TMEM74: variants seen among roughly 807,000 people sequenced by gnomAD.
The protein encoded by TMEM74 is transmembrane protein 74.
A neutral mutation model predicts 18.1 loss-of-function variants in TMEM74; 13 were observed. The ratio of observed to expected loss-of-function variants is 0.72; its 90% CI spans 0.47 to 1.14. The LOEUF (loss-of-function observed/expected upper bound fraction) is 1.14. Ranked by LOEUF, TMEM74 falls within the 50% of genes most tolerant of loss-of-function variation. The pLI is 0.00. For synonymous variants in TMEM74, 159 were observed against 146.6 expected, an observed-to-expected ratio of 1.08 and a Z score of -0.61; for missense variants, 372 against 375.9, an observed-to-expected ratio of 0.99 and a Z score of 0.09.
At chr8:108,709,780 T>C (rs949237777) in intron 1 of TMEM74, among the ~76,000 whole-genome samples, 1 of 152,202 alleles carries the variant, frequency 6.6e-6, no homozygotes, top group African/African-American at 2.4e-5. Context: ...GACATGTCTA[T>C]TTCCTTGATG....
exon 4 of TMEM74, chr8:108,606,983 G>A (rs1228517624): frequency 6.6e-6 from 1 of 152,218 alleles, no homozygotes; most frequent in Non-Finnish European, 1.5e-5. Context: ...ACTCCAAGAT[G>A]ACTTTCATTC....
At position 108,710,080 on chromosome 8, in the gene TMEM74, T is replaced by A. The variant is rs376734943; in HGVS notation, n.120-54643A>T. Among the ~76,000 whole-genome samples, 4 of 152,338 alleles carry A rather than the reference T, an allele frequency of 2.6e-5. No homozygotes were observed. In the East Asian group the frequency reaches 7.7e-4, roughly 29 times the overall value. On this transcript the variant is annotated intron_variant and non_coding_transcript_variant, in intron 1 of 3. Coordinates refer to the TMEM74 transcript ENST00000518838. ...AAGATGGGGATAATAACAGGATTAC[T>A]TCCCAGAGTTACTGAGAAGAGTTAA...
At chr8:108,698,960 A>G (rs1375857472) in intron 1 of TMEM74, among the ~76,000 whole-genome samples, 1 of 152,136 alleles carries the variant, frequency 6.6e-6, no homozygotes, top group Non-Finnish European at 1.5e-5. Context: ...CTCCCTGGAA[A>G]AGCTGACCAG....
intron 1 of TMEM74, among the ~76,000 whole-genome samples, chr8:108,758,030 G>A (rs1813997999): frequency 6.6e-6 from 1 of 151,962 alleles, no homozygotes; most frequent in South Asian, 2.1e-4. Context: ...AGACAGTTAT[G>A]CAGATGCTTT....
At chr8:108,716,867 T>C (rs1813528075) in intron 1 of TMEM74, among the ~76,000 whole-genome samples, 1 of 151,650 alleles carries the variant, frequency 6.6e-6, no homozygotes, top group African/African-American at 2.4e-5. Flanking sequence ...TCAGAATATA[T>C]ATAAACAGAG....
intron 1 of TMEM74, among the ~76,000 whole-genome samples, chr8:108,744,543 T>C (rs1338252325): frequency 1.3e-5 from 2 of 152,090 alleles, no homozygotes; most frequent in African/African-American, 4.8e-5. Flanking sequence ...TGAGACACAT[T>C]AGTGCATAGT....
At chr8:108,727,287 TATAATTGCAAAGAC>T (rs1217157005) in intron 1 of TMEM74, among the ~76,000 whole-genome samples, 2 of 152,160 alleles carry the variant, frequency 1.3e-5, no homozygotes, top group Admixed American at 1.3e-4. Flanking sequence ...GAACAAACTA[TATAATTGCAAAGAC>T]AGAAAACAGG....
chr8:108,611,202 T>A (rs1421817097), intron 2 of TMEM74, among the ~76,000 whole-genome samples: 1 of 152,192 alleles, frequency 6.6e-6, no homozygotes, highest in Non-Finnish European at 1.5e-5. Flanking sequence ...TAGAAATGTA[T>A]CTGAGATCCA....
At position 108,780,767 on chromosome 8, in the gene TMEM74, A is replaced by G. The variant is rs1458323664; in HGVS notation, c.*3414T>C. ...TGGCCTCCAAGAACTTCATGGTTCCAAGCAGTCTTGTCTTCCTGTAAACTA... is the reference window on the plus strand; with the variant it reads ...TGGCCTCCAAGAACTTCATGGTTCCGAGCAGTCTTGTCTTCCTGTAAACTA... On this transcript the variant is annotated 3_prime_UTR_variant, in exon 2 of 2. Transcript: ENST00000297459. Among the ~76,000 whole-genome samples the G allele has an allele frequency of 6.6e-6, 1 of 152,176 alleles. No homozygotes were observed. Among genetic ancestry groups the G allele is most frequent in the Non-Finnish European group, 1.5e-5 (1 of 68,026 alleles).
downstream of TMEM74, among the ~76,000 whole-genome samples, chr8:108,778,634 G>T (rs1814264127): frequency 6.6e-6 from 1 of 152,080 alleles, no homozygotes; most frequent in Non-Finnish European, 1.5e-5. Flanking sequence ...TAGAGTTTTT[G>T]ACCTTGACAG....
At chr8:108,764,877 C>T (rs1814085546) in intron 1 of TMEM74, among the ~76,000 whole-genome samples, 1 of 152,128 alleles carries the variant, frequency 6.6e-6, no homozygotes, top group African/African-American at 2.4e-5. Flanking sequence ...GTCCCAGTTT[C>T]GCCAGATATG....
At chr8:108,742,211 T>C (rs1813808018) in intron 1 of TMEM74, among the ~76,000 whole-genome samples, 1 of 152,104 alleles carries the variant, frequency 6.6e-6, no homozygotes. Context: ...AGTACCTGGG[T>C]AATAAGATAA....
In TMEM74 at chr8:108,785,041, C is replaced by G; in HGVS notation, c.58G>C (p.Asp20His). ...CCAGGCAGCCCTCTTGAACTCCAGT[C>G]CCTGGCATCACAGAGGTCTGCCTGG... ...SNQADLCDARDWSSRGLPGDQ... is the reference protein window; with the variant it reads ...SNQADLCDARHWSSRGLPGDQ... Residue 20 changes from aspartate to histidine, a missense_variant, in exon 2 of 2, where the codon GAC becomes CAC. Transcript: ENST00000297459. 6.2e-7 allele frequency: 1 copy of G among 1,613,818 alleles called. No individual in the cohort carries two copies.
In TMEM74 at chr8:108,730,688, A is replaced by C. The variant is rs1263414365; in HGVS notation, n.119+56788T>G. Among the ~76,000 whole-genome samples, 5 of 144,950 alleles carry C rather than the reference A, an allele frequency of 3.4e-5. No homozygotes were observed. The Admixed American group carries it at 3.5e-4, about 10-fold the overall frequency. ...TCACTCTGTCACCAGGTTGGAATGC[A>C]GTGGAGCGATCTCAGCTCACTGCAA... On this transcript the variant is annotated intron_variant and non_coding_transcript_variant, in intron 1 of 3. Transcript: ENST00000518838.
At chr8:108,746,314 T>C (rs959227255) in intron 1 of TMEM74, among the ~76,000 whole-genome samples, 30 of 152,178 alleles carry the variant, frequency 2.0e-4, no homozygotes, top group Admixed American at 5.2e-4. Context: ...TATTGACTTG[T>C]CTCAAAAGCA....
At chr8:108,682,315 A>G (rs1813123289) in intron 1 of TMEM74, among the ~76,000 whole-genome samples, 1 of 151,996 alleles carries the variant, frequency 6.6e-6, no homozygotes, top group African/African-American at 2.4e-5. Flanking sequence ...TTACCTACCT[A>G]ACATCTATCA....
chr8:108,688,271 G>A (rs72673025), intron 1 of TMEM74, among the ~76,000 whole-genome samples: 292 of 152,196 alleles, frequency 1.9e-3, no homozygotes, highest in Middle Eastern at 0.01. Flanking sequence ...TATATTATTC[G>A]ACCAGAAAAT....
chr8:108,626,499 A>G (rs1020135903), intron 2 of TMEM74: 1 of 152,036 alleles, frequency 6.6e-6, no homozygotes, highest in Non-Finnish European at 1.5e-5. Context: ...GTGTAAGAGC[A>G]AGTCGTTTAT....
intron 1 of TMEM74, among the ~76,000 whole-genome samples, chr8:108,733,594 A>G (rs1229962294): frequency 2.6e-5 from 4 of 152,204 alleles, no homozygotes; most frequent in African/African-American, 9.7e-5. Context: ...TCATTTGTCA[A>G]ACTGAACAAA....
Sources: allele counts gnomAD v4.1 joint callset (sites outside exome capture counted in the v4.1 genomes callset), GRCh38; gene constraint gnomAD v4.1.1; transcripts MANE v1.5; gene names NCBI Gene and HGNC (gene_info 2026-07-23, HGNC 2026-07-21).